The following PAK3 variants were observed in gnomAD, a reference collection of about 807,000 sequenced individuals.
The protein encoded by PAK3 is serine/threonine-protein kinase PAK 3.
Under a neutral mutation model 41.0 loss-of-function variants are expected in PAK3, and 4 were observed. The observed-to-expected ratio is 0.10, with a 90% CI of 0.05 to 0.22. The LOEUF is 0.22. PAK3 is among the 10% of genes least tolerant of loss of function. The pLI is 1.00. For synonymous variants in PAK3, 146 were observed against 139.6 expected (o/e 1.05, Z -0.32); for missense variants, 205 against 409.9 (o/e 0.50, Z 4.32).
intron 1 of PAK3, among the ~76,000 whole-genome samples, chrX:111,076,443 C>T (rs953166837): frequency 5.4e-5 from 6 of 111,471 alleles, no homozygotes; most frequent in African/African-American, 9.8e-5. Flanking sequence ...GTGTCCTCCC[C>T]GCTTGCTCTC....
chrX:111,149,478 C>A (rs1182028907), intron 7 of PAK3, among the ~76,000 whole-genome samples: 1 of 112,266 alleles, frequency 8.9e-6, no homozygotes, highest in Non-Finnish European at 1.9e-5. Flanking sequence ...GAGGGCCCCA[C>A]CCCTGCAGCA....
intron 1 of PAK3, among the ~76,000 whole-genome samples, chrX:111,089,250 C>A (rs774429188): frequency 4.5e-5 from 5 of 111,853 alleles, no homozygotes; most frequent in Non-Finnish European, 9.4e-5. Flanking sequence ...ACTCTCTGTA[C>A]TATTTTTGTA....
intron 10 of PAK3, among the ~76,000 whole-genome samples, chrX:111,168,254 C>G (rs2094288881): frequency 8.9e-6 from 1 of 111,740 alleles, no homozygotes; most frequent in African/African-American, 3.3e-5. Flanking sequence ...TTCTTAAAAC[C>G]TGCACTTTAA....
At chrX:111,023,657 T>A (rs1301420724) in intron 1 of PAK3, among the ~76,000 whole-genome samples, 1 of 112,546 alleles carries the variant, frequency 8.9e-6, no homozygotes, top group African/African-American at 3.2e-5. Flanking sequence ...GATGAGCATT[T>A]TTTCATAAGT....
chrX:111,162,481 G>C (rs764865544), intron 8 of PAK3, among the ~76,000 whole-genome samples: 1 of 111,360 alleles, frequency 9.0e-6, no homozygotes, highest in Admixed American at 9.5e-5. Context: ...GTATATGCAT[G>C]CTCTGATCCT....
chrX:110,966,943 G>A (rs2091094220), intron 1 of PAK3, among the ~76,000 whole-genome samples: 1 of 112,297 alleles, frequency 8.9e-6, no homozygotes, highest in Non-Finnish European at 1.9e-5. Flanking sequence ...CCCCAAGAAT[G>A]CCCTGTACTA....
chrX:110,969,132 G>C (rs139253430), intron 1 of PAK3, among the ~76,000 whole-genome samples: 2 of 8,845 alleles, frequency 2.3e-4, no homozygotes, highest in Non-Finnish European at 7.2e-4. Context: ...ATTTTTAGTA[G>C]AGACAGGGTT....
At chrX:111,167,624 A>G (rs2094276032) in intron 10 of PAK3, among the ~76,000 whole-genome samples, 1 of 109,519 alleles carries the variant, frequency 9.1e-6, no homozygotes, top group Non-Finnish European at 1.9e-5. Context: ...AGAAACAAGA[A>G]CAGAAAACCA....
At chrX:111,059,021 A>T (rs1231140812) in intron 1 of PAK3, among the ~76,000 whole-genome samples, 3 of 110,501 alleles carry the variant, frequency 2.7e-5, no homozygotes, top group African/African-American at 6.6e-5. Flanking sequence ...GTAAGTTCTG[A>T]AACTGGGAAT....
intron 13 of PAK3, 57 bp downstream of exon 13, chrX:111,192,675 G>T: frequency 1.7e-6 from 1 of 599,223 alleles, no homozygotes; most frequent in South Asian, 2.4e-5. Flanking sequence ...ATTTTTTCTT[G>T]GCAAATTACT....
intron 1 of PAK3, among the ~76,000 whole-genome samples, chrX:111,004,351 G>A (rs955935966): frequency 2.0e-4 from 22 of 112,154 alleles, no homozygotes; most frequent in African/African-American, 7.1e-4. Context: ...GGAACAGGAC[G>A]AGAATCAGGT....
At chrX:111,151,603 T>C (rs994591) in intron 7 of PAK3, among the ~76,000 whole-genome samples, 17,352 of 111,620 alleles carry the variant, frequency 0.16, 2,795 homozygotes, top group African/African-American at 0.49. Flanking sequence ...TATTCTAAGA[T>C]CTCCAATGGA....
chrX:111,066,176 A>G (rs1164202304), intron 1 of PAK3, among the ~76,000 whole-genome samples: 1 of 111,540 alleles, frequency 9.0e-6, no homozygotes, highest in Non-Finnish European at 1.9e-5. Context: ...TAACTTTTTT[A>G]GGTAGTTGGT....
intron 1 of PAK3, among the ~76,000 whole-genome samples, chrX:111,087,517 C>G (rs1486544892): frequency 9.1e-6 from 1 of 110,124 alleles, no homozygotes; most frequent in East Asian, 2.9e-4. Flanking sequence ...AACACATCTT[C>G]CATGGTCAGC....
At chrX:111,218,244 A>G (rs1216409586) in intron 17 of PAK3, among the ~76,000 whole-genome samples, 2 of 111,918 alleles carry the variant, frequency 1.8e-5, no homozygotes, top group Admixed American at 1.9e-4. Flanking sequence ...CTGTCCATCA[A>G]TTGATATTTA....
chrX:111,143,783 C>T (rs750649135), intron 6 of PAK3, among the ~76,000 whole-genome samples: 5 of 111,819 alleles, frequency 4.5e-5, no homozygotes, highest in Non-Finnish European at 9.5e-5. Context: ...AATAACTCTT[C>T]CCTTTTTTAT....
intron 1 of PAK3, among the ~76,000 whole-genome samples, chrX:110,990,155 G>T (rs1357770412): frequency 9.0e-6 from 1 of 111,529 alleles, no homozygotes; most frequent in African/African-American, 3.3e-5. Context: ...TCAGATATGT[G>T]ACCTGAGACA....
In PAK3 at chrX:111,189,331, G is replaced by T. The variant is rs1169076694; in HGVS notation, c.831-2796G>T. On this transcript the variant is annotated intron_variant, in intron 11 of 17. Coordinates refer to ENST00000372007, the MANE Select transcript of PAK3 (RefSeq NM_002578.5). ...TCTTTATCCAATCCAGCATTCATGG[G>T]CCCATAGGTTTTTTCCATGTCTTTG... Among the ~76,000 whole-genome samples, 3 of 111,681 alleles carry T rather than the reference G, an allele frequency of 2.7e-5. No individual in the cohort carries two copies. The East Asian group carries it at 8.4e-4, about 31-fold the overall frequency.
intron 1 of PAK3, among the ~76,000 whole-genome samples, chrX:111,004,275 G>A (rs1291168815): frequency 1.8e-5 from 2 of 111,517 alleles, no homozygotes; most frequent in African/African-American, 3.3e-5. Context: ...TGGGAACAGC[G>A]GCAAGGGATA....
Sources: gnomAD v4.1 joint callset for allele counts (sites outside exome capture counted in the v4.1 genomes callset) on GRCh38, gnomAD v4.1.1 for gene constraint, MANE v1.5 for transcripts, NCBI Gene and HGNC (gene_info 2026-07-23, HGNC 2026-07-21) for gene names.